The following MEGF11 variants were observed in gnomAD, a reference collection of about 807,000 sequenced individuals.
The protein encoded by MEGF11 is multiple EGF like domains 11, also known as multiple epidermal growth factor-like domains protein 11.
Under a neutral mutation model 146.6 loss-of-function variants are expected in MEGF11, and 126 were observed. The observed-to-expected ratio is 0.86, with a 90% CI of 0.74 to 1.00. The LOEUF (loss-of-function observed/expected upper bound fraction) is 1.00, where lower values mean the gene tolerates loss of function less well. Ranked by LOEUF, MEGF11 falls within the 50% of genes least tolerant of loss-of-function variation. The pLI, the probability that MEGF11 is intolerant of heterozygous loss-of-function variation, is 0.00. For missense variants in MEGF11, 1,509 were observed against 1,521.2 expected, an observed-to-expected ratio of 0.99 and a Z score of 0.13; for synonymous variants, 532 against 583.4, an observed-to-expected ratio of 0.91 and a Z score of 1.27.
chr15:66,082,445 AAAAAAAAAAAAAAAAAAAAAAAT>A (rs2085901530), intron 5 of MEGF11, among the ~76,000 whole-genome samples: 3 of 110,934 alleles, frequency 2.7e-5, no homozygotes, highest in African/African-American at 1.1e-4. Context: ...AAAAAAAAAA[AAAAAAAAAAAAAAAAAAAAAAAT>A]CTATCTATCT....
intron 1 of MEGF11, among the ~76,000 whole-genome samples, chr15:66,140,531 G>C (rs544197452): frequency 6.6e-6 from 1 of 152,168 alleles, no homozygotes; most frequent in East Asian, 1.9e-4. Context: ...AAGGCAGGAC[G>C]CTTGCACCAA....
intron 1 of MEGF11, among the ~76,000 whole-genome samples, chr15:66,164,406 A>G (rs1209476345): frequency 6.6e-6 from 1 of 152,094 alleles, no homozygotes; most frequent in Non-Finnish European, 1.5e-5. Context: ...TCTTCTTGAG[A>G]ATAGGGTAGT....
At chr15:65,917,660 C>T (rs1463661484) in intron 16 of MEGF11, among the ~76,000 whole-genome samples, 1 of 152,214 alleles carries the variant, frequency 6.6e-6, no homozygotes, top group Non-Finnish European at 1.5e-5. Context: ...TGTTGCACCA[C>T]CTCTTCCCCA....
At chr15:66,059,931 C>T (rs2084833820) in intron 5 of MEGF11, among the ~76,000 whole-genome samples, 1 of 152,116 alleles carries the variant, frequency 6.6e-6, no homozygotes, top group Non-Finnish European at 1.5e-5. Flanking sequence ...GGCCAGGGTT[C>T]CTGGGAAGGT....
chr15:65,993,585 C>G (rs926575831), intron 5 of MEGF11, among the ~76,000 whole-genome samples: 4 of 152,210 alleles, frequency 2.6e-5, no homozygotes, highest in Non-Finnish European at 4.4e-5. Flanking sequence ...GGTCCTGCAC[C>G]CTCCCCGACG....
chr15:66,196,204 G>A (rs190919391), intron 1 of MEGF11, among the ~76,000 whole-genome samples: 1 of 152,276 alleles, frequency 6.6e-6, no homozygotes, highest in Non-Finnish European at 1.5e-5. Flanking sequence ...AGGCGTGGTG[G>A]CTCATGCCTA....
chr15:65,921,581 G>T (rs1156321585), intron 15 of MEGF11: 1 of 152,296 alleles, frequency 6.6e-6, no homozygotes, highest in South Asian at 2.1e-4. Context: ...GAAAGCCAGG[G>T]ATGGCAATAG....
rs73481631 is a variant in MEGF11, at chr15:65,983,942, T to A, written c.395-1454A>T. Among the ~76,000 whole-genome samples the A allele has an allele frequency of 3.9e-3, 590 of 152,250 alleles. 3 individuals are homozygous for A. Among genetic ancestry groups the A allele is most frequent in the African/African-American group, 0.014 (575 of 41,536 alleles). On this transcript the variant is annotated intron_variant, in intron 5 of 25. Coordinates refer to ENST00000395614, the MANE Select transcript of MEGF11 (RefSeq NM_001385028.1). ...TGGGGGCTGAAGGTTGGTGGAAGGA[T>A]CAGCCCCACCAGTCCCCGACATGTC...
chr15:66,001,129 T>C (rs1596974758), intron 5 of MEGF11, among the ~76,000 whole-genome samples: 2 of 151,998 alleles, frequency 1.3e-5, no homozygotes, highest in African/African-American at 4.8e-5. Context: ...AGAGTTAGGA[T>C]TGGGAGCAGC....
chr15:66,138,601 G>A (rs2089001272), intron 1 of MEGF11, among the ~76,000 whole-genome samples: 1 of 152,168 alleles, frequency 6.6e-6, no homozygotes, highest in African/African-American at 2.4e-5. Context: ...CACTGGCTCT[G>A]CTCCTCCCTG....
chr15:66,211,860 C>T (rs1439857270), intron 1 of MEGF11, among the ~76,000 whole-genome samples: 2 of 151,924 alleles, frequency 1.3e-5, no homozygotes, highest in East Asian at 4.0e-4. Context: ...ATAACTACCC[C>T]TGTCAGAGAA....
chr15:66,157,171 T>C (rs1473496890), intron 1 of MEGF11, among the ~76,000 whole-genome samples: 3 of 152,144 alleles, frequency 2.0e-5, no homozygotes, highest in Non-Finnish European at 4.4e-5. Context: ...ATATGTGGTA[T>C]TGACAACCCC....
intron 13 of MEGF11, among the ~76,000 whole-genome samples, chr15:65,927,730 T>G (rs2079421776): frequency 6.6e-6 from 1 of 152,172 alleles, no homozygotes; most frequent in Non-Finnish European, 1.5e-5. Context: ...GTTGGCTTCC[T>G]GAAGAAGTAG....
intron 1 of MEGF11, among the ~76,000 whole-genome samples, chr15:66,150,253 T>C (rs188980403): frequency 3.9e-5 from 6 of 152,338 alleles, no homozygotes; most frequent in African/African-American, 9.6e-5. Context: ...TGGGGTCCAG[T>C]TGGGATCAGG....
rs189323036 is a variant in MEGF11 at position 65,996,518 on chromosome 15, C to T, written c.395-14030G>A. Among the ~76,000 whole-genome samples the T allele has an allele frequency of 7.6e-3, 1,142 of 149,844 alleles. 5 individuals are homozygous for T. Among genetic ancestry groups the T allele is most frequent in the Admixed American group, 1.0e-2 (150 of 15,042 alleles). ...TTTTTTAATCTCAGATGGAGTCTCA[C>T]TCTGTCGCCCAGGCTGGAGTGCAGT... is the stretch of plus-strand genomic sequence containing the variant. On this transcript the variant is annotated intron_variant, in intron 5 of 25. Transcript: ENST00000395614.
At chr15:66,104,340 G>A (rs981308102) in intron 4 of MEGF11, among the ~76,000 whole-genome samples, 6 of 152,192 alleles carry the variant, frequency 3.9e-5, no homozygotes, top group Non-Finnish European at 8.8e-5. Context: ...CAGCCTGTTT[G>A]GGGATGCAGT....
At chr15:66,157,525 C>A (rs1479435468) in intron 1 of MEGF11, among the ~76,000 whole-genome samples, 3 of 152,170 alleles carry the variant, frequency 2.0e-5, no homozygotes, top group Non-Finnish European at 4.4e-5. Flanking sequence ...AGGCTTTGTG[C>A]CAGGTATTCT....
At chr15:66,155,392 C>A (rs993901737) in intron 1 of MEGF11, among the ~76,000 whole-genome samples, 1 of 152,162 alleles carries the variant, frequency 6.6e-6, no homozygotes, top group East Asian at 1.9e-4. Flanking sequence ...AGACCGGGTT[C>A]TCTGAGCCTG....
intron 5 of MEGF11, among the ~76,000 whole-genome samples, chr15:66,024,445 C>T (rs1451644516): frequency 6.6e-6 from 1 of 152,250 alleles, no homozygotes; most frequent in Non-Finnish European, 1.5e-5. Context: ...CAAAGTCACA[C>T]AGCTGGCCAG....
Sources: allele counts gnomAD v4.1 joint callset (sites outside exome capture counted in the v4.1 genomes callset), GRCh38; gene constraint gnomAD v4.1.1; transcripts MANE v1.5; gene names NCBI Gene and HGNC (gene_info 2026-07-23, HGNC 2026-07-21).